GGNBP2: variants seen among roughly 807,000 people sequenced by gnomAD.
The protein encoded by GGNBP2 is gametogenetin-binding protein 2.
GGNBP2 carries 10 observed loss-of-function variants against 85.9 expected under a neutral mutation model. The ratio of observed to expected loss-of-function variants is 0.12; its 90% CI spans 0.07 to 0.20. GGNBP2 has a LOEUF of 0.20. Ranked by LOEUF, GGNBP2 falls within the 10% of genes least tolerant of loss-of-function variation. The pLI is 1.00. For synonymous variants in GGNBP2, 287 were observed against 285.7 expected (o/e 1.00, Z -0.05); for missense variants, 595 against 857.8 (o/e 0.69, Z 3.83).
Position 36,579,439 on chromosome 17 carries a change from C to T in GGNBP2, c.1020+20C>T, listed in dbSNP as rs924579352. 2.5e-6 allele frequency: 4 copies of T among 1,609,350 alleles called. No individual in the cohort carries two copies. On this transcript the variant is annotated intron_variant, in intron 8 of 13. Transcript: ENST00000613102. ...TTTGAGGTAAGAACAGTGGGCTGTT[C>T]CAGTATCTCAGATTGCTTAGTCACG...
At chr17:36,581,146 G>A (rs1446908024) in intron 8 of GGNBP2, among the ~76,000 whole-genome samples, 198 bp from the exon 9 acceptor site, 5 of 152,058 alleles carry the variant, frequency 3.3e-5, no homozygotes, top group South Asian at 2.1e-4. Flanking sequence ...TTAGCCGGGC[G>A]TGGTGGCGGG....
chr17:36,567,666 T>C lies in GGNBP2; in HGVS notation c.531T>C (p.Gly177=). Residue 177 remains glycine, a synonymous_variant, in exon 6 of 14, where the codon GGT becomes GGC. Coordinates refer to ENST00000613102, the MANE Select transcript of GGNBP2 (RefSeq NM_024835.5). The part of the protein sequence containing the change: ...LDTHKPKPLG[G]CWMDVWELMS... ...CTAATATTTGTTCTTTCTACAGAGG[T>C]TGTTGGATGGATGTATGGGAACTAA... 1.3e-6 allele frequency: 2 copies of C among 1,540,524 alleles called. No homozygotes were observed. The highest frequency in any genetic ancestry group is 1.8e-6 in the Non-Finnish European group (2 of 1,115,022).
At chr17:36,550,657 A>G (rs896210992) in intron 2 of GGNBP2, among the ~76,000 whole-genome samples, 2 of 152,240 alleles carry the variant, frequency 1.3e-5, no homozygotes, top group Non-Finnish European at 2.9e-5. Flanking sequence ...CAGATACTTA[A>G]GAGTGAAAGT....
rs1366786146 is a variant in GGNBP2 at position 36,545,638 on chromosome 17, G to GGCAGCGGCGGCGGCAGAAACA, written c.-72_-52dup. 8 of 1,025,598 alleles carry GGCAGCGGCGGCGGCAGAAACA rather than the reference G, an allele frequency of 7.8e-6. No individual in the cohort carries two copies. The highest frequency in any genetic ancestry group is 2.3e-4 in the Middle Eastern group (1 of 4,266). The allele number at this position is 1,025,598 out of a possible 1,614,324, so 63.5% of individuals were successfully genotyped here. ...TTGCAGGCAGGAGCTGGGAGGAGGC[G>GGCAGCGGCGGCGGCAGAAACA]GCAGCGGCGGCGGCAGAAACAGCAG... On this transcript the variant is annotated 5_prime_UTR_variant, in exon 2 of 14. Coordinates refer to ENST00000613102, the MANE Select transcript of GGNBP2 (RefSeq NM_024835.5).
chr17:36,560,740 A>G, intron 4 of GGNBP2, 33 bp from the exon 5 acceptor site: 1 of 1,181,640 alleles, frequency 8.5e-7, no homozygotes, highest in South Asian at 1.4e-5. Context: ...AGTAAAATGA[A>G]TTAAACCCTT....
intron 3 of GGNBP2, among the ~76,000 whole-genome samples, chr17:36,556,029 G>A (rs920597686): frequency 1.3e-5 from 2 of 152,196 alleles, no homozygotes; most frequent in African/African-American, 4.8e-5. Context: ...GAAGGGTAAT[G>A]GTAAATGTGA....
chr17:36,547,743 CTTAAT>C (rs977723400), intron 2 of GGNBP2: 3 of 152,212 alleles, frequency 2.0e-5, no homozygotes, highest in Admixed American at 6.5e-5. Context: ...CTTAAGCTCA[CTTAAT>C]TTAAATATCT....
At chr17:36,576,745 CAA>C (rs2074595453) in intron 6 of GGNBP2, 1 of 149,106 alleles carries the variant, frequency 6.7e-6, no homozygotes, top group African/African-American at 2.5e-5. Flanking sequence ...ACAGGAGAAA[CAA>C]GAAAGAATGA....
intron 5 of GGNBP2, among the ~76,000 whole-genome samples, chr17:36,562,024 C>CTGTCTCCA (rs2074422092): frequency 6.6e-6 from 1 of 152,202 alleles, no homozygotes; most frequent in Non-Finnish European, 1.5e-5. Context: ...TCTCCCAGCA[C>CTGTCTCCA]AGTGCCATAG....
At chr17:36,548,269 T>G (rs1323945325) in intron 2 of GGNBP2, among the ~76,000 whole-genome samples, 1 of 152,200 alleles carries the variant, frequency 6.6e-6, no homozygotes, top group Admixed American at 6.5e-5. Flanking sequence ...TTAGTTAAAC[T>G]GGCAGTTGTA....
intron 6 of GGNBP2, among the ~76,000 whole-genome samples, chr17:36,573,140 T>C (rs1406324760): frequency 6.6e-6 from 1 of 152,134 alleles, no homozygotes; most frequent in Non-Finnish European, 1.5e-5. Context: ...TTTGAGACAG[T>C]CTCGCTCTGT....
chr17:36,557,444 T>G (rs1198475224), intron 4 of GGNBP2, 108 bp downstream of exon 4: 12 of 954,218 alleles, frequency 1.3e-5, no homozygotes, highest in Middle Eastern at 6.7e-4. Flanking sequence ...TTTAATAATT[T>G]TATTGAGTAA....
At chr17:36,576,627 G>GTATA (rs1267951780) in intron 6 of GGNBP2, 5 of 110,716 alleles carry the variant, frequency 4.5e-5, no homozygotes, top group African/African-American at 7.7e-5. Flanking sequence ...GTGTGTGTGT[G>GTATA]TGTATATGTA....
rs1441241888 is a variant in GGNBP2, at chr17:36,574,987, G to A, written c.642-2996G>A. 34 of 1,527,852 alleles carry A rather than the reference G, an allele frequency of 2.2e-5. 1 individual carries two copies. The highest frequency in any genetic ancestry group is 8.3e-5 in the South Asian group (7 of 84,382). The allele number at this position is 1,527,852 out of a possible 1,614,324, so 94.6% of individuals were successfully genotyped here. On this transcript the variant is annotated intron_variant, in intron 6 of 13. Coordinates refer to ENST00000613102, the MANE Select transcript of GGNBP2 (RefSeq NM_024835.5). ...ACATCTTGAACCTGGTGCGCTGGCC[G>A]GCACGGGTCTGCTTCTGCACTGGCA...
In GGNBP2 at chr17:36,589,606, C is replaced by T. The variant is rs557800876; in HGVS notation, c.*195C>T. On this transcript the variant is annotated 3_prime_UTR_variant, in exon 14 of 14. Transcript: ENST00000613102. The stretch of plus-strand genomic sequence containing the variant: ...GCTTGTGTCTTTAGTTGCGTGGCTG[C>T]GCAGGCCTGCCATATGATTTAAGCC... 1.7e-4 allele frequency: 101 copies of T among 587,630 alleles called. No homozygotes were observed. The South Asian group carries it at 1.9e-3, about 11-fold the overall frequency. 36.4% of individuals were successfully genotyped at this position (587,630 alleles called of 1,614,324 possible).
chr17:36,551,064 C>A (rs1264494458), intron 2 of GGNBP2, among the ~76,000 whole-genome samples: 1 of 151,956 alleles, frequency 6.6e-6, no homozygotes, highest in Non-Finnish European at 1.5e-5. Context: ...TGAGTAAATA[C>A]AAGAGAAAAT....
chr17:36,563,063 C>T (rs959319827), intron 5 of GGNBP2, among the ~76,000 whole-genome samples: 6 of 148,146 alleles, frequency 4.1e-5, no homozygotes, highest in Admixed American at 1.4e-4. Flanking sequence ...GTCGGGGGTT[C>T]GAGACCGGCC....
intron 5 of GGNBP2, among the ~76,000 whole-genome samples, chr17:36,561,517 ATTAT>A (rs1307483121): frequency 3.9e-5 from 6 of 152,190 alleles, no homozygotes; most frequent in Non-Finnish European, 8.8e-5. Context: ...TAATGTATAA[ATTAT>A]TTATCTTTCT....
At position 36,574,805 on chromosome 17, in the gene GGNBP2, G is replaced by T. The variant is rs1355728040; in HGVS notation, c.642-3178G>T. Reference sequence around the variant, plus strand: ...GTGGCCTGTCGGCTTGCAAGGGATGGTGTGGGGCTTGCTGATCTTGTTCCC... The same window carrying T: ...GTGGCCTGTCGGCTTGCAAGGGATGTTGTGGGGCTTGCTGATCTTGTTCCC... On this transcript the variant is annotated intron_variant, in intron 6 of 13. Coordinates refer to ENST00000613102, the MANE Select transcript of GGNBP2 (RefSeq NM_024835.5). The T allele has an allele frequency of 4.5e-6, 3 of 667,638 alleles. No individual in the cohort carries two copies. In the African/African-American group the frequency reaches 5.3e-5, roughly 12 times the overall value. 41.4% of individuals were successfully genotyped at this position (667,638 alleles called of 1,614,324 possible).
Sources: gnomAD v4.1 joint callset for allele counts (sites outside exome capture counted in the v4.1 genomes callset) on GRCh38, gnomAD v4.1.1 for gene constraint, MANE v1.5 for transcripts, NCBI Gene and HGNC (gene_info 2026-07-23, HGNC 2026-07-21) for gene names.